The following TBC1D31 variants were observed in gnomAD, a reference collection of about 807,000 sequenced individuals.
The protein encoded by TBC1D31 is TBC1 domain family member 31, also known as WD repeat domain 67.
TBC1D31 carries 99 observed loss-of-function variants against 132.9 expected under a neutral mutation model. The observed-to-expected ratio is 0.74, with a 90% CI of 0.63 to 0.88. TBC1D31 has a LOEUF of 0.88. Among genes scored for constraint, TBC1D31 ranks in the 40% least tolerant of loss-of-function variants. TBC1D31 has a pLI of 0.00. For synonymous variants in TBC1D31, 385 were observed against 419.4 expected, an observed-to-expected ratio of 0.92 and a Z score of 1.00; for missense variants, 1,134 against 1,256.6, an observed-to-expected ratio of 0.90 and a Z score of 1.48.
chr8:123,088,567 CT>C (rs1816017566), intron 4 of TBC1D31, among the ~76,000 whole-genome samples: 1 of 152,204 alleles, frequency 6.6e-6, no homozygotes, highest in Non-Finnish European at 1.5e-5. Flanking sequence ...TTTTTTTCCC[CT>C]GACACAGCCC....
chr8:123,094,288 T>C (rs1024928291), intron 5 of TBC1D31, among the ~76,000 whole-genome samples: 11 of 152,018 alleles, frequency 7.2e-5, no homozygotes, highest in African/African-American at 2.2e-4. Flanking sequence ...GGTCTCGAAC[T>C]CCTGACCTTG....
In TBC1D31 at chr8:123,125,750, C is replaced by T. The variant is rs16898009; in HGVS notation, c.1571-306C>T. On this transcript the variant is annotated intron_variant, in intron 11 of 21. Coordinates refer to ENST00000287380, the MANE Select transcript of TBC1D31 (RefSeq NM_145647.4). ...TTTTTAAAAAGATCATTTCGTTAAT[C>T]AGGTGATGAACAAAGCAGGAGTCAG... Among the ~76,000 whole-genome samples, 1,249 of 152,158 alleles carry T rather than the reference C, an allele frequency of 8.2e-3. 15 individuals are homozygous for T. The highest frequency in any genetic ancestry group is 0.029 in the African/African-American group (1,213 of 41,506).
rs755459739 is a variant in TBC1D31, at chr8:123,084,242, G to A, written c.421G>A (p.Ala141Thr). The A allele has an allele frequency of 1.2e-6, 2 of 1,614,148 alleles. No individual in the cohort carries two copies. The highest frequency in any genetic ancestry group is 1.7e-6 in the Non-Finnish European group (2 of 1,179,988). Residue 141 changes from alanine to threonine, a missense_variant, in exon 4 of 22, where the codon GCC (alanine) becomes ACC (threonine). Transcript: ENST00000287380. ...SISVHASGKY[A>T]ITTSSDTAQL... ...CTCTGTGCATGCATCAGGGAAATAT[G>A]CCATCACAACTTCTTCTGATACAGC...
At chr8:123,131,253 A>C (rs1820588564) in intron 16 of TBC1D31, among the ~76,000 whole-genome samples, 1 of 150,876 alleles carries the variant, frequency 6.6e-6, no homozygotes, top group South Asian at 2.1e-4. Flanking sequence ...AATCCCAGCT[A>C]CGCAGGAGGC....
At chr8:123,134,456 G>A (rs1216613304) in intron 17 of TBC1D31, among the ~76,000 whole-genome samples, 1 of 152,016 alleles carries the variant, frequency 6.6e-6, no homozygotes, top group East Asian at 1.9e-4. Flanking sequence ...GAGCCCTGGA[G>A]TTCGAGGCTG....
chr8:123,123,348 G>T, intron 11 of TBC1D31: 1 of 178,904 alleles, frequency 5.6e-6, no homozygotes, highest in Non-Finnish European at 1.3e-5. Flanking sequence ...CCTCCTAAAG[G>T]GGAAACAAAG....
intron 8 of TBC1D31, 117 bp downstream of exon 8, chr8:123,105,581 G>A (rs1424622473): frequency 1.0e-6 from 1 of 961,776 alleles, no homozygotes; most frequent in East Asian, 2.8e-5. Context: ...ATAAAATGAA[G>A]AGAATAAAGT....
intron 15 of TBC1D31, 36 bp from the exon 16 acceptor site, chr8:123,130,162 C>T (rs189893354): frequency 1.6e-4 from 247 of 1,583,338 alleles, no homozygotes; most frequent in Non-Finnish European, 2.0e-4. Flanking sequence ...TTAGGAATTG[C>T]TGTATTTGTT....
chr8:123,131,500 C>A (rs1045949341), intron 16 of TBC1D31, among the ~76,000 whole-genome samples: 7 of 151,144 alleles, frequency 4.6e-5, no homozygotes, highest in African/African-American at 1.2e-4. Flanking sequence ...GTTTTTGTAA[C>A]CTGCTTTTTA....
In TBC1D31 at chr8:123,129,108, A is replaced by G; in HGVS notation, c.2160A>G (p.Arg720=). Residue 720 remains arginine, a synonymous_variant, in exon 15 of 22, where the codon AGA becomes AGG. Transcript: ENST00000287380. The part of the protein sequence containing the change: ...EDMQAKVDQQ[R]VEDEAWYQKQ... ...TGCAAGCTAAAGTCGACCAGCAAAG[A>G]GTTGAAGATGAAGCTTGGTACCAGA... The G allele has an allele frequency of 1.2e-6, 2 of 1,609,526 alleles. No individual in the cohort carries two copies. Among genetic ancestry groups the G allele is most frequent in the Non-Finnish European group, 1.7e-6 (2 of 1,176,894 alleles).
At position 123,099,353 on chromosome 8, in the gene TBC1D31, C is replaced by T. The variant is rs550803289; in HGVS notation, c.832-1454C>T. 4.6e-5 allele frequency among the ~76,000 whole-genome samples: 7 copies of T among 152,298 alleles called. No individual in the cohort carries two copies. The East Asian group carries it at 1.3e-3, about 29-fold the overall frequency. ...GCCAGGATGGTCTTGATCTCCTGACCTCGTGATCCGCCCGTGTCGGCCTCC... is the reference window on the plus strand; with the variant it reads ...GCCAGGATGGTCTTGATCTCCTGACTTCGTGATCCGCCCGTGTCGGCCTCC... On this transcript the variant is annotated intron_variant, in intron 6 of 21. Coordinates refer to ENST00000287380, the MANE Select transcript of TBC1D31 (RefSeq NM_145647.4).
At chr8:123,073,407 T>C (rs780187371) in intron 1 of TBC1D31, 8 of 456,212 alleles carry the variant, frequency 1.8e-5, no homozygotes, top group South Asian at 1.2e-4. Context: ...ACACTTCCGG[T>C]TCTCTGGAGT....
At chr8:123,101,274 T>A (rs993313794) in intron 7 of TBC1D31, among the ~76,000 whole-genome samples, 1 of 152,112 alleles carries the variant, frequency 6.6e-6, no homozygotes, top group Non-Finnish European at 1.5e-5. Context: ...CCCAAAAGAG[T>A]TCTTTCTGCA....
At chr8:123,144,073 A>T (rs565904547) in intron 19 of TBC1D31, among the ~76,000 whole-genome samples, 274 of 152,256 alleles carry the variant, frequency 1.8e-3, no homozygotes, top group South Asian at 6.4e-3. Context: ...GTGATTTTTT[A>T]AAAAAGTTTT....
At chr8:123,150,419 C>G (rs1822659135) in intron 21 of TBC1D31, among the ~76,000 whole-genome samples, 1 of 152,230 alleles carries the variant, frequency 6.6e-6, no homozygotes, top group African/African-American at 2.4e-5. Context: ...ACAGAAGTCT[C>G]TAACTAGGTT....
chr8:123,073,512 G>T (rs1814146465), intron 1 of TBC1D31: 1 of 419,936 alleles, frequency 2.4e-6, no homozygotes. Flanking sequence ...TCTGTTCCCA[G>T]TTACCTGTCC....
chr8:123,161,525 C>G, the TBC1D31 span, among the ~76,000 whole-genome samples: 96 of 152,316 alleles, frequency 6.3e-4, 1 homozygote, highest in South Asian at 0.019. Flanking sequence ...TCACCGCCCC[C>G]CTTCTCAGCA....
chr8:123,089,756 A>G (rs1185612650), intron 4 of TBC1D31, among the ~76,000 whole-genome samples: 2 of 152,260 alleles, frequency 1.3e-5, no homozygotes, highest in African/African-American at 2.4e-5. Flanking sequence ...TAGTTACATT[A>G]TATTAACAAT....
chr8:123,136,551 A>G (rs1346362292), intron 17 of TBC1D31, among the ~76,000 whole-genome samples: 2 of 152,164 alleles, frequency 1.3e-5, no homozygotes, highest in Admixed American at 6.5e-5. Context: ...CCCGGGTTCA[A>G]GAAATTCTCC....
Sources: gnomAD v4.1 joint callset for allele counts (sites outside exome capture counted in the v4.1 genomes callset) on GRCh38, gnomAD v4.1.1 for gene constraint, MANE v1.5 for transcripts, NCBI Gene and HGNC (gene_info 2026-07-23, HGNC 2026-07-21) for gene names.